Variants in TRIO observed in about 807,000 individuals in gnomAD.
The protein encoded by TRIO is triple functional domain protein.
Under a neutral mutation model 351.9 loss-of-function variants are expected in TRIO, and 58 were observed. The ratio of observed to expected loss-of-function variants is 0.16; its 90% CI spans 0.13 to 0.21. TRIO has a LOEUF of 0.21. Ranked by LOEUF, TRIO falls within the 10% of genes least tolerant of loss-of-function variation. The probability of loss-of-function intolerance (pLI) is 1.00; values close to 1 mark genes in which losing one functional copy is unlikely to be tolerated. For synonymous variants in TRIO, 1,758 were observed against 1,595.7 expected (o/e 1.10, Z -2.42); for missense variants, 3,201 against 4,027.8 (o/e 0.79, Z 5.56).
intron 13 of TRIO, among the ~76,000 whole-genome samples, chr5:14,360,542 A>G (rs1392096716): frequency 6.6e-6 from 1 of 151,960 alleles, no homozygotes; most frequent in Non-Finnish European, 1.5e-5. Flanking sequence ...CTCAATATTT[A>G]TTTCTTGTCT....
intron 4 of TRIO, among the ~76,000 whole-genome samples, chr5:14,288,966 G>C (rs1334132074): frequency 6.6e-6 from 1 of 152,178 alleles, no homozygotes; most frequent in Non-Finnish European, 1.5e-5. Flanking sequence ...CCGAGGCCAG[G>C]CACAGTGGCT....
chr5:14,390,333 G>T (rs772868342), intron 26 of TRIO, 33 bp downstream of exon 26: 2 of 1,603,816 alleles, frequency 1.2e-6, no homozygotes, highest in Non-Finnish European at 1.7e-6. Flanking sequence ...TTCTCTCCCA[G>T]CTATTAGGTG....
intron 3 of TRIO, among the ~76,000 whole-genome samples, chr5:14,284,675 A>G (rs1427048096): frequency 6.6e-6 from 1 of 152,196 alleles, no homozygotes; most frequent in Non-Finnish European, 1.5e-5. Context: ...GTTCGTGTGC[A>G]TACTGTGTAA....
At chr5:14,370,820 G>A (rs1745042091) in intron 18 of TRIO, among the ~76,000 whole-genome samples, 1 of 152,198 alleles carries the variant, frequency 6.6e-6, no homozygotes, top group South Asian at 2.1e-4. Context: ...ATTTCGAGGT[G>A]GAATCATTAG....
At chr5:14,289,425 A>G (rs568815094) in intron 4 of TRIO, among the ~76,000 whole-genome samples, 65 of 152,130 alleles carry the variant, frequency 4.3e-4, no homozygotes, top group Non-Finnish European at 4.9e-4. Flanking sequence ...GTGGTGGCAC[A>G]CGTGTAATTC....
rs1579725155 is a variant in TRIO, at chr5:14,461,451, C to T, written c.5496+140C>T. Reference sequence around the variant, plus strand: ...TCAGAAATTACCATTCAAGTCTCTGCTTAGCAGACTGAGATTTAGTGGGGA... The same window carrying T: ...TCAGAAATTACCATTCAAGTCTCTGTTTAGCAGACTGAGATTTAGTGGGGA... On this transcript the variant is annotated intron_variant, in intron 35 of 56. Transcript: ENST00000344204. 31 of 1,241,176 alleles carry T rather than the reference C, an allele frequency of 2.5e-5. No individual in the cohort carries two copies. In the East Asian group the frequency reaches 7.9e-4, roughly 32 times the overall value. The allele number at this position is 1,241,176 out of a possible 1,614,324, so 76.9% of individuals were successfully genotyped here. A position where few individuals can be genotyped will look rare whatever the true frequency, so the allele number is the denominator to read the frequency against.
chr5:14,183,819 T>G (rs1439609364), intron 1 of TRIO: 2 of 630,288 alleles, frequency 3.2e-6, no homozygotes, highest in Non-Finnish European at 5.8e-6. Context: ...CTAGAGGTTG[T>G]TTGTTGGTGT....
At chr5:14,246,945 ACT>A (rs1258602674) in intron 1 of TRIO, among the ~76,000 whole-genome samples, 4 of 152,040 alleles carry the variant, frequency 2.6e-5, no homozygotes, top group Non-Finnish European at 5.9e-5. Flanking sequence ...CACCCTGCTC[ACT>A]GAGTCCCTTT....
chr5:14,264,310 T>G (rs938649762), intron 1 of TRIO, among the ~76,000 whole-genome samples: 1 of 152,156 alleles, frequency 6.6e-6, no homozygotes, highest in African/African-American at 2.4e-5. Flanking sequence ...TTTCTTTCTT[T>G]GAGGTATGCT....
chr5:14,143,702 G>T lies in TRIO; in HGVS notation c.-24G>T. On this transcript the variant is annotated 5_prime_UTR_variant, in exon 1 of 57. Transcript: ENST00000344204. ...TAGGGGCGCGGGGCCCGAGGCGGGC[G>T]CGGCCGCGGGCGCCGCCGCAGCCAT... 1 of 973,542 alleles carries T rather than the reference G, an allele frequency of 1.0e-6. No homozygotes were observed. Among genetic ancestry groups the T allele is most frequent in the Non-Finnish European group, 1.2e-6 (1 of 823,124 alleles). 60.3% of individuals were successfully genotyped at this position (973,542 alleles called of 1,614,324 possible).
chr5:14,329,875 C>T (rs1343464986), intron 9 of TRIO, among the ~76,000 whole-genome samples: 1 of 152,158 alleles, frequency 6.6e-6, no homozygotes, highest in Non-Finnish European at 1.5e-5. Flanking sequence ...TGCCTAAGTC[C>T]TGCATTTGGT....
chr5:14,402,437 A>G (rs1748153838), intron 31 of TRIO, among the ~76,000 whole-genome samples: 1 of 152,236 alleles, frequency 6.6e-6, no homozygotes, highest in African/African-American at 2.4e-5. Context: ...AAAGTAAAGG[A>G]AACGATGTTC....
At chr5:14,390,761 G>A (rs1747010285) in intron 26 of TRIO, 140 bp from the exon 27 acceptor site, 1 of 685,892 alleles carries the variant, frequency 1.5e-6, no homozygotes, top group East Asian at 3.0e-5. Context: ...TCTTATTTCA[G>A]TAGCTTTCTT....
Position 14,461,049 on chromosome 5 carries a change from G to T in TRIO, c.5234G>T (p.Ser1745Ile). 6.3e-7 allele frequency: 1 copy of T among 1,584,328 alleles called. No homozygotes were observed. Among genetic ancestry groups the T allele is most frequent in the Non-Finnish European group, 8.6e-7 (1 of 1,165,332 alleles). The stretch of plus-strand genomic sequence containing the variant: ...CTCTCCGTCTCCAGCAATGACGCCA[G>T]TCCACCCGCATCCGTGGCTTCCCTC... ...DSLSVSSNDASPPASVASLQP... is the reference protein window; with the variant it reads ...DSLSVSSNDAIPPASVASLQP... Residue 1745 changes from serine to isoleucine, a missense_variant, in exon 35 of 57, where the codon AGT (serine) becomes ATT (isoleucine). Ser to Ile is a moderately radical substitution (Grantham distance 142). Coordinates refer to ENST00000344204, the MANE Select transcript of TRIO (RefSeq NM_007118.4).
intron 28 of TRIO, among the ~76,000 whole-genome samples, chr5:14,396,423 A>G (rs868384113): frequency 7.3e-6 from 1 of 136,176 alleles, no homozygotes; most frequent in Non-Finnish European, 1.6e-5. Flanking sequence ...GTTACATAAT[A>G]ATTAAATATT....
intron 16 of TRIO, among the ~76,000 whole-genome samples, chr5:14,367,268 G>T (rs370366081): frequency 1.4e-4 from 21 of 152,278 alleles, no homozygotes; most frequent in African/African-American, 5.1e-4. Context: ...TGTTGTAGGA[G>T]CCCTGGCAAG....
chr5:14,348,786 T>TTG (rs1196527049), intron 11 of TRIO, among the ~76,000 whole-genome samples: 1 of 139,880 alleles, frequency 7.1e-6, no homozygotes, highest in Non-Finnish European at 1.6e-5. Flanking sequence ...TCCTGCATGT[T>TTG]TGTGTGTGTA....
At chr5:14,457,214 T>G (rs1197245413) in intron 34 of TRIO, among the ~76,000 whole-genome samples, 3 of 152,160 alleles carry the variant, frequency 2.0e-5, no homozygotes, top group Non-Finnish European at 4.4e-5. Flanking sequence ...TTTTTCTAAG[T>G]CATAAATATT....
At chr5:14,468,466 C>G (rs985326078) in intron 37 of TRIO, among the ~76,000 whole-genome samples, 2 of 152,224 alleles carry the variant, frequency 1.3e-5, no homozygotes, top group Non-Finnish European at 2.9e-5. Flanking sequence ...TTGGGAGAAC[C>G]ATGTTTGTAC....
Sources: gnomAD v4.1 joint callset for allele counts (sites outside exome capture counted in the v4.1 genomes callset) on GRCh38, gnomAD v4.1.1 for gene constraint, MANE v1.5 for transcripts, NCBI Gene and HGNC (gene_info 2026-07-23, HGNC 2026-07-21) for gene names.